ANKRD18B: variants seen among roughly 807,000 people sequenced by gnomAD.
ANKRD18B encodes ankyrin repeat domain 18B.
A neutral mutation model predicts 111.8 loss-of-function variants in ANKRD18B; 75 were observed. The observed-to-expected ratio is 0.67, with a 90% CI of 0.56 to 0.81. ANKRD18B has a LOEUF of 0.81. Among genes scored for constraint, ANKRD18B ranks in the 40% least tolerant of loss-of-function variants. ANKRD18B has a pLI of 0.00. For synonymous variants in ANKRD18B, 356 were observed against 417.3 expected, an observed-to-expected ratio of 0.85 and a Z score of 1.79; for missense variants, 1,038 against 1,225.5, an observed-to-expected ratio of 0.85 and a Z score of 2.28.
chr9:33,527,360 C>T (rs183800898), intron 1 of ANKRD18B, among the ~76,000 whole-genome samples: 2 of 151,998 alleles, frequency 1.3e-5, no homozygotes, highest in Non-Finnish European at 1.5e-5. Context: ...CTCACTCTGT[C>T]GCCTAGGCTG....
At position 33,548,719 on chromosome 9, in the gene ANKRD18B, T is replaced by C. The variant is rs1828403210; in HGVS notation, c.1931T>C (p.Val644Ala). 2 of 1,551,014 alleles carry C rather than the reference T, an allele frequency of 1.3e-6. No homozygotes were observed. The highest frequency in any genetic ancestry group is 1.7e-6 in the Non-Finnish European group (2 of 1,146,596). ...ARKEGDNKEIVINIHRDCLEN... is the reference protein window; with the variant it reads ...ARKEGDNKEIAINIHRDCLEN... ...AAGGAAGGTGATAATAAAGAGATAGTCATTAATATCCACAGAGACTGTCTT... is the reference window on the plus strand; with the variant it reads ...AAGGAAGGTGATAATAAAGAGATAGCCATTAATATCCACAGAGACTGTCTT... The change falls in exon 11 of 19, where the codon GTC becomes GCC. Residue 644 changes from valine (V) to alanine (A), a missense_variant. This residue lies in a region of ANKRD18B where 524 missense variants were observed against 677.9 expected (regional missense o/e 0.77). Transcript: ENST00000684830.
chr9:33,548,037 A>G lies in ANKRD18B; in HGVS notation c.1249A>G (p.Asn417Asp), dbSNP rs1196120766. The G allele has an allele frequency of 6.5e-7, 1 of 1,530,726 alleles. No homozygotes were observed. Among genetic ancestry groups the G allele is most frequent in the Non-Finnish European group, 8.8e-7 (1 of 1,140,882 alleles). 94.8% of individuals were successfully genotyped at this position (1,530,726 alleles called of 1,614,324 possible). A position where few individuals can be genotyped will look rare whatever the true frequency, so the allele number is the denominator to read the frequency against. Residue 417 changes from asparagine to aspartate, a missense_variant, in exon 11 of 19, where the codon AAT (asparagine) becomes GAT (aspartate). By Grantham distance (23) the Asn-to-Asp change is conservative. Transcript: ENST00000684830. Reference sequence around the variant, plus strand: ...CAAAGAGGAATTATATGCAATAAAAAATGACAGTCTCAGAAAGGAAAAGAA... The same window carrying G: ...CAAAGAGGAATTATATGCAATAAAAGATGACAGTCTCAGAAAGGAAAAGAA... ...MLKEELYAIKNDSLRKEKKYI... is the reference protein window; with the variant it reads ...MLKEELYAIKDDSLRKEKKYI...
intron 5 of ANKRD18B, among the ~76,000 whole-genome samples, chr9:33,536,552 A>G (rs1828204831): frequency 6.6e-6 from 1 of 152,246 alleles, no homozygotes; most frequent in Non-Finnish European, 1.5e-5. Context: ...ATGGAGGCTA[A>G]GAGAAGCAAC....
intron 17 of ANKRD18B, chr9:33,569,168 A>T (rs1563909775): frequency 6.9e-6 from 2 of 288,816 alleles, no homozygotes; most frequent in African/African-American, 2.2e-5. Flanking sequence ...GTTAGGTTTT[A>T]AAAAATGCAT....
chr9:33,567,554 A>C (rs12235398), intron 16 of ANKRD18B, among the ~76,000 whole-genome samples: 1 of 152,120 alleles, frequency 6.6e-6, no homozygotes, highest in African/African-American at 2.4e-5. Flanking sequence ...AGTCTCATGT[A>C]GTTAACCTGA....
rs537865672 is a variant in ANKRD18B at position 33,566,288 on chromosome 9, G to A, written c.2530G>A (p.Val844Ile). The change falls in exon 15 of 19, where the codon GTT (valine) becomes ATT (isoleucine). Residue 844 changes from valine (V) to isoleucine (I), a missense_variant. This residue lies in a region of ANKRD18B where 524 missense variants were observed against 677.9 expected (regional missense o/e 0.77). Coordinates refer to ENST00000684830, the MANE Select transcript of ANKRD18B (RefSeq NM_001393611.1). ...KCVNLAKDNE[V>I]LHQELLSMGK... ...TGTCAATTTGGCCAAAGACAATGAAGTTCTTCATCAGGAGTTATTATCTAT... is the reference window on the plus strand; with the variant it reads ...TGTCAATTTGGCCAAAGACAATGAAATTCTTCATCAGGAGTTATTATCTAT... 6.4e-7 allele frequency: 1 copy of A among 1,561,164 alleles called. No individual in the cohort carries two copies. Among genetic ancestry groups the A allele is most frequent in the Admixed American group, 1.9e-5 (1 of 53,002 alleles).
At chr9:33,551,464 A>G (rs1828445428) in intron 12 of ANKRD18B, among the ~76,000 whole-genome samples, 1 of 152,164 alleles carries the variant, frequency 6.6e-6, no homozygotes, top group South Asian at 2.1e-4. Flanking sequence ...GTCTCCATAG[A>G]TTTGCATGGT....
rs145225689 is a variant in ANKRD18B, at chr9:33,553,432, C to G, written c.2218-2276C>G. On this transcript the variant is annotated intron_variant, in intron 12 of 18. Transcript: ENST00000684830. ...TAGACATCAGGCATAGGATTATTAGCCACTTTGATGTCTGCCTTGGGAGTA... is the reference window on the plus strand; with the variant it reads ...TAGACATCAGGCATAGGATTATTAGGCACTTTGATGTCTGCCTTGGGAGTA... 2.4e-3 allele frequency among the ~76,000 whole-genome samples: 372 copies of G among 152,234 alleles called. 1 individual carries two copies. Among genetic ancestry groups the G allele is most frequent in the African/African-American group, 8.5e-3 (353 of 41,540 alleles).
intron 14 of ANKRD18B, among the ~76,000 whole-genome samples, chr9:33,558,763 A>C (rs1828564614): frequency 6.6e-6 from 1 of 152,228 alleles, no homozygotes; most frequent in South Asian, 2.1e-4. Flanking sequence ...TTAATGATGG[A>C]TAAACCCAAA....
intron 17 of ANKRD18B, among the ~76,000 whole-genome samples, chr9:33,570,419 C>T (rs746206909): frequency 6.0e-5 from 9 of 148,846 alleles, no homozygotes; most frequent in Non-Finnish European, 1.0e-4. Flanking sequence ...TTGGAAGAAA[C>T]TTACACAGGT....
intron 13 of ANKRD18B, 81 bp downstream of exon 13, chr9:33,555,901 C>A: frequency 1.6e-5 from 14 of 900,200 alleles, no homozygotes; most frequent in Middle Eastern, 3.9e-4. Context: ...AACTTTGATA[C>A]AAATTCATTT....
chr9:33,570,904 G>A (rs1828764682), intron 17 of ANKRD18B, among the ~76,000 whole-genome samples: 1 of 152,090 alleles, frequency 6.6e-6, no homozygotes, highest in Non-Finnish European at 1.5e-5. Flanking sequence ...CCAAAGTGCT[G>A]GGATTACAGG....
rs1258454740 is a variant in ANKRD18B, at chr9:33,541,235, A to G, written c.1078+8A>G. 6.5e-7 allele frequency: 1 copy of G among 1,542,992 alleles called. No individual in the cohort carries two copies. The highest frequency in any genetic ancestry group is 2.0e-5 in the Admixed American group (1 of 49,298). The stretch of plus-strand genomic sequence containing the variant: ...GAAAAGAAGGTGCAAAAGGTAAGAC[A>G]CTTGAGTATCTCTACTCTTAACCAT... On this transcript the variant is annotated splice_region_variant and intron_variant, in intron 9 of 18. Coordinates refer to ENST00000684830, the MANE Select transcript of ANKRD18B (RefSeq NM_001393611.1).
chr9:33,534,392 C>G lies in ANKRD18B; in HGVS notation c.625C>G (p.Gln209Glu). The G allele has an allele frequency of 1.3e-6, 2 of 1,548,550 alleles. No individual in the cohort carries two copies. The highest frequency in any genetic ancestry group is 1.7e-6 in the Non-Finnish European group (2 of 1,145,960). Residue 209 changes from glutamine (Q) to glutamate (E), a missense_variant, in exon 5 of 19, where the codon CAG becomes GAG. Transcript: ENST00000684830. ...FKRTALILAV[Q>E]HNLSSIVTLL... ...TAGAACAGCCCTCATACTTGCAGTA[C>G]AGCATAACTTGTCAAGTATCGTCAC...
At chr9:33,553,491 C>G (rs1456608755) in intron 12 of ANKRD18B, among the ~76,000 whole-genome samples, 6 of 152,146 alleles carry the variant, frequency 3.9e-5, no homozygotes, top group Non-Finnish European at 7.3e-5. Flanking sequence ...TAAACCATCT[C>G]AATCAATAGC....
At position 33,524,345 on chromosome 9, in the gene ANKRD18B, C is replaced by T; in HGVS notation, c.-145C>T. 1 of 1,319,344 alleles carries T rather than the reference C, an allele frequency of 7.6e-7. No individual in the cohort carries two copies. The highest frequency in any genetic ancestry group is 2.7e-5 in the East Asian group (1 of 36,668). 81.7% of individuals were successfully genotyped at this position (1,319,344 alleles called of 1,614,324 possible). A position where few individuals can be genotyped will look rare whatever the true frequency, so the allele number is the denominator to read the frequency against. On this transcript the variant is annotated 5_prime_UTR_variant, in exon 1 of 19. Coordinates refer to ENST00000684830, the MANE Select transcript of ANKRD18B (RefSeq NM_001393611.1). ...GGATCGCGGATTCTGAGCTACATCG[C>T]GGGTTTGGGGGTGCATCTTGGATTT...
intron 12 of ANKRD18B, among the ~76,000 whole-genome samples, chr9:33,551,621 A>G (rs149994484): frequency 0.069 from 10,558 of 152,010 alleles, 424 homozygotes; most frequent in South Asian, 0.11. Context: ...AGTCTATTTC[A>G]TGGCTACACC....
intron 10 of ANKRD18B, among the ~76,000 whole-genome samples, chr9:33,545,399 T>G (rs1828339018): frequency 6.6e-6 from 1 of 152,226 alleles, no homozygotes; most frequent in Non-Finnish European, 1.5e-5. Context: ...CCAAAAAGTC[T>G]TTTTGATTTG....
intron 5 of ANKRD18B, among the ~76,000 whole-genome samples, chr9:33,535,749 T>A (rs992134421): frequency 3.4e-4 from 50 of 145,886 alleles, no homozygotes; most frequent in Non-Finnish European, 7.1e-4. Flanking sequence ...TATTTTATAT[T>A]TTTATATTTA....
Sources: gnomAD v4.1 joint callset for allele counts (sites outside exome capture counted in the v4.1 genomes callset) on GRCh38, gnomAD v4.1.1 for gene constraint, gnomAD v4.1.1 regional missense constraint, MANE v1.5 for transcripts, NCBI Gene and HGNC (gene_info 2026-07-23, HGNC 2026-07-21) for gene names.